KCNIP4: variants seen among roughly 807,000 people sequenced by gnomAD.
KCNIP4 encodes potassium voltage-gated channel interacting protein 4.
In KCNIP4, 12 loss-of-function variants were observed where a neutral mutation model predicts 34.0. The ratio of observed to expected loss-of-function variants is 0.35; its 90% CI spans 0.23 to 0.57. KCNIP4 has a LOEUF of 0.57. KCNIP4 is among the 20% of genes least tolerant of loss of function. KCNIP4 has a pLI of 0.83. For synonymous variants in KCNIP4, 124 were observed against 102.2 expected (o/e 1.21, Z -1.29); for missense variants, 238 against 311.7 (o/e 0.76, Z 1.78).
chr4:21,513,438 T>C (rs569040902), intron 1 of KCNIP4, among the ~76,000 whole-genome samples: 1 of 152,322 alleles, frequency 6.6e-6, no homozygotes, highest in Admixed American at 6.5e-5. Flanking sequence ...GAAGCTGGCA[T>C]TGGACAGATA....
In KCNIP4 at chr4:20,858,005, C is replaced by T. The variant is rs564283216; in HGVS notation, c.164-7338G>A. Reference sequence around the variant, plus strand: ...GGGTGGATCACCTGAGGTCAGAATTCGAGACCAGCCTGGCCAACATGGCAA... The same window carrying T: ...GGGTGGATCACCTGAGGTCAGAATTTGAGACCAGCCTGGCCAACATGGCAA... On this transcript the variant is annotated intron_variant, in intron 2 of 8. Transcript: ENST00000382152. 1.8e-3 allele frequency among the ~76,000 whole-genome samples: 275 copies of T among 151,782 alleles called. 1 individual carries two copies. The highest frequency in any genetic ancestry group is 5.8e-3 in the African/African-American group (241 of 41,412).
intron 1 of KCNIP4, among the ~76,000 whole-genome samples, chr4:21,701,704 G>T (rs1259893947): frequency 6.6e-6 from 1 of 151,888 alleles, no homozygotes; most frequent in Non-Finnish European, 1.5e-5. Context: ...ATACATTTTT[G>T]TTGTTGTTTT....
chr4:21,192,224 T>TG (rs1755701989), intron 1 of KCNIP4, among the ~76,000 whole-genome samples: 1 of 152,198 alleles, frequency 6.6e-6, no homozygotes, highest in African/African-American at 2.4e-5. Flanking sequence ...ATTGCTTTAA[T>TG]TCTAGGATGC....
chr4:21,238,685 C>A (rs1393111719), intron 1 of KCNIP4, among the ~76,000 whole-genome samples: 5 of 152,174 alleles, frequency 3.3e-5, no homozygotes, highest in African/African-American at 1.2e-4. Flanking sequence ...TGTGAAGAAC[C>A]TCTTCAAGGA....
rs1231187575 is a variant in KCNIP4 at position 21,234,487 on chromosome 4, G to T, written c.62-351778C>A. 8.1e-5 allele frequency among the ~76,000 whole-genome samples: 7 copies of T among 86,286 alleles called. No individual in the cohort carries two copies. In the South Asian group the frequency reaches 1.6e-3, roughly 20 times the overall value. The allele number at this position is 86,286 out of a possible 152,430, so 56.6% of individuals were successfully genotyped here. On this transcript the variant is annotated intron_variant, in intron 1 of 8. Coordinates refer to ENST00000382152, the MANE Select transcript of KCNIP4 (RefSeq NM_025221.6). ...GTATATAATATATAGTACATATAAC[G>T]TATATAATATATATTACATATAACG...
chr4:21,126,524 A>G (rs559472706), intron 1 of KCNIP4, among the ~76,000 whole-genome samples: 3 of 150,636 alleles, frequency 2.0e-5, no homozygotes, highest in Non-Finnish European at 4.4e-5. Flanking sequence ...TGTGTATCTG[A>G]CTCTAACTCC....
At chr4:20,989,056 C>T (rs1174669517) in intron 1 of KCNIP4, among the ~76,000 whole-genome samples, 1 of 152,234 alleles carries the variant, frequency 6.6e-6, no homozygotes, top group Non-Finnish European at 1.5e-5. Context: ...TGTCACTTCA[C>T]AATTTATCAC....
At chr4:20,922,519 G>GTCTA (rs1729488138) in intron 1 of KCNIP4, among the ~76,000 whole-genome samples, 2 of 79,774 alleles carry the variant, frequency 2.5e-5, no homozygotes, top group African/African-American at 9.1e-5. Context: ...TAGTGTGACT[G>GTCTA]TCTGTCTGTC....
At chr4:21,928,313 G>A (rs550549758) in intron 1 of KCNIP4, among the ~76,000 whole-genome samples, 1 of 152,042 alleles carries the variant, frequency 6.6e-6, no homozygotes, top group African/African-American at 2.4e-5. Flanking sequence ...CACAGACTGT[G>A]AAACTTAAAA....
At chr4:21,688,342 C>T (rs1350550013) in intron 1 of KCNIP4, among the ~76,000 whole-genome samples, 1 of 152,166 alleles carries the variant, frequency 6.6e-6, no homozygotes, top group African/African-American at 2.4e-5. Context: ...AGTATATATT[C>T]TGCAAATATT....
At chr4:21,554,839 T>G (rs541478673) in intron 1 of KCNIP4, among the ~76,000 whole-genome samples, 2 of 152,296 alleles carry the variant, frequency 1.3e-5, no homozygotes, top group East Asian at 3.9e-4. Context: ...CATGTAAATC[T>G]TATTAATCTT....
At chr4:21,267,385 G>A (rs113899981) in intron 1 of KCNIP4, among the ~76,000 whole-genome samples, 70 of 151,762 alleles carry the variant, frequency 4.6e-4, no homozygotes, top group African/African-American at 1.6e-3. Flanking sequence ...CTGACACTAT[G>A]TTGAATAGGA....
chr4:21,606,034 A>T (rs975339787), intron 1 of KCNIP4, among the ~76,000 whole-genome samples: 6 of 152,168 alleles, frequency 3.9e-5, no homozygotes, highest in Admixed American at 2.0e-4. Context: ...AGAATGAGAA[A>T]TGCCCTAAGC....
At chr4:21,346,896 G>C (rs973442799) in intron 1 of KCNIP4, among the ~76,000 whole-genome samples, 1 of 152,074 alleles carries the variant, frequency 6.6e-6, no homozygotes, top group Admixed American at 6.6e-5. Flanking sequence ...TTTTTGCTAC[G>C]ATCAAACCAC....
intron 1 of KCNIP4, among the ~76,000 whole-genome samples, chr4:21,569,234 T>TAACAAAAAA (rs1740162596): frequency 4.0e-5 from 1 of 25,176 alleles, no homozygotes. Flanking sequence ...ACTGATATTC[T>TAACAAAAAA]AAAAAAAAAA....
chr4:21,489,461 G>GTC (rs563968181), intron 1 of KCNIP4, among the ~76,000 whole-genome samples: 128 of 151,994 alleles, frequency 8.4e-4, no homozygotes, highest in Non-Finnish European at 1.5e-3. Context: ...TTCAGTGACT[G>GTC]TTTAAAACCT....
intron 1 of KCNIP4, among the ~76,000 whole-genome samples, chr4:21,064,614 T>G (rs372164708): frequency 2.0e-5 from 3 of 152,060 alleles, no homozygotes; most frequent in African/African-American, 7.2e-5. Context: ...AAAGACTGAA[T>G]AGGAAAATTC....
intron 1 of KCNIP4, chr4:21,464,663 T>G (rs945985711): frequency 1.3e-5 from 2 of 152,070 alleles, no homozygotes; most frequent in Non-Finnish European, 1.5e-5. Context: ...TATTCTGCTG[T>G]TTTTTTCTAT....
intron 2 of KCNIP4, among the ~76,000 whole-genome samples, chr4:20,871,629 C>A (rs1285406241): frequency 6.6e-6 from 1 of 152,036 alleles, no homozygotes; most frequent in African/African-American, 2.4e-5. Flanking sequence ...TATTCACCAA[C>A]AAGAAAATAA....
Sources: gnomAD v4.1 joint callset for allele counts (sites outside exome capture counted in the v4.1 genomes callset) on GRCh38, gnomAD v4.1.1 for gene constraint, MANE v1.5 for transcripts, NCBI Gene and HGNC (gene_info 2026-07-23, HGNC 2026-07-21) for gene names.